Variants in CNTLN observed in about 807,000 individuals in gnomAD.
The protein encoded by CNTLN is centlein.
A neutral mutation model predicts 180.0 loss-of-function variants in CNTLN; 212 were observed. The ratio of observed to expected loss-of-function variants is 1.18; its 90% CI spans 1.05 to 1.32. The LOEUF is 1.32. Ranked by LOEUF, CNTLN falls within the 40% of genes most tolerant of loss-of-function variation. The pLI, the probability that CNTLN is intolerant of heterozygous loss-of-function variation, is 0.00. For synonymous variants in CNTLN, 722 were observed against 563.1 expected (o/e 1.28, Z -3.99); for missense variants, 2,095 against 1,610.9 (o/e 1.30, Z -5.14).
At chr9:17,227,754 C>T (rs1184814442) in intron 3 of CNTLN, among the ~76,000 whole-genome samples, 1 of 151,918 alleles carries the variant, frequency 6.6e-6, no homozygotes, top group Non-Finnish European at 1.5e-5. Context: ...TACACGTTTT[C>T]CAAAGTTGAG....
In CNTLN at chr9:17,388,244, A is replaced by T; in HGVS notation, c.2070A>T (p.Thr690=). ...EKNGKEMLEQ[T]LQKVTELENR... is the part of the protein sequence containing the mutation. ...ATGGAAAAGAAATGTTGGAGCAGAC[A>T]TTACAGAAGGTAGTCTAATCTTTAA... The change falls in exon 14 of 26, where the codon ACA becomes ACT. Residue 690 remains threonine (T), a synonymous_variant. Coordinates refer to ENST00000380647, the MANE Select transcript of CNTLN (RefSeq NM_017738.4). 1.9e-6 allele frequency: 3 copies of T among 1,607,332 alleles called. No individual in the cohort carries two copies. The highest frequency in any genetic ancestry group is 2.6e-6 in the Non-Finnish European group (3 of 1,174,272).
At chr9:17,146,412 G>A (rs1359038904) in intron 2 of CNTLN, among the ~76,000 whole-genome samples, 1 of 152,034 alleles carries the variant, frequency 6.6e-6, no homozygotes, top group Non-Finnish European at 1.5e-5. Flanking sequence ...GAATGTTGGT[G>A]TCCCCCCAAA....
intron 18 of CNTLN, among the ~76,000 whole-genome samples, chr9:17,448,907 G>T (rs1422718428): frequency 6.6e-6 from 1 of 152,168 alleles, no homozygotes; most frequent in Admixed American, 6.5e-5. Flanking sequence ...TTAAGCAGGA[G>T]AAGGAGAGTG....
intron 23 of CNTLN, among the ~76,000 whole-genome samples, chr9:17,482,735 A>T (rs772239285): frequency 6.6e-6 from 1 of 152,208 alleles, no homozygotes; most frequent in African/African-American, 2.4e-5. Flanking sequence ...ATACTCAAAT[A>T]TAAAACTTAA....
intron 2 of CNTLN, among the ~76,000 whole-genome samples, chr9:17,189,891 C>G (rs115699726): frequency 0.019 from 2,914 of 152,102 alleles, 60 homozygotes; most frequent in African/African-American, 0.051. Context: ...TAAGTCCTCT[C>G]TTACCTTTAG....
chr9:17,440,873 A>T (rs1830067844), intron 18 of CNTLN, among the ~76,000 whole-genome samples: 1 of 152,204 alleles, frequency 6.6e-6, no homozygotes, highest in Non-Finnish European at 1.5e-5. Context: ...ACTTATATAA[A>T]ATGTCCAGAA....
At chr9:17,156,989 A>G (rs968614964) in intron 2 of CNTLN, among the ~76,000 whole-genome samples, 13 of 152,236 alleles carry the variant, frequency 8.5e-5, no homozygotes, top group Non-Finnish European at 1.5e-4. Flanking sequence ...CACACTATGT[A>G]GAAAGATACT....
intron 16 of CNTLN, among the ~76,000 whole-genome samples, chr9:17,414,988 A>G (rs1828117289): frequency 6.6e-6 from 1 of 151,992 alleles, no homozygotes; most frequent in Non-Finnish European, 1.5e-5. Flanking sequence ...TGGGAGGCTG[A>G]GGCATGAGAA....
At chr9:17,312,364 T>TATATATAATATATATATATATATA (rs369729227) in intron 8 of CNTLN, among the ~76,000 whole-genome samples, 11 of 20,178 alleles carry the variant, frequency 5.5e-4, no homozygotes, top group African/African-American at 1.3e-3. Context: ...TATATATATA[T>TATATATAATATATATATATATATA]TATATATATA....
intron 7 of CNTLN, among the ~76,000 whole-genome samples, chr9:17,306,338 A>G (rs965459382): frequency 1.3e-5 from 2 of 152,012 alleles, no homozygotes; most frequent in Non-Finnish European, 2.9e-5. Context: ...TAGTAGAGAC[A>G]GGGTTTCTCC....
chr9:17,266,621 T>C (rs1827472099), intron 5 of CNTLN, among the ~76,000 whole-genome samples: 1 of 152,172 alleles, frequency 6.6e-6, no homozygotes, highest in Non-Finnish European at 1.5e-5. Context: ...TTGATCTGTT[T>C]AGTGTTGACG....
intron 2 of CNTLN, among the ~76,000 whole-genome samples, chr9:17,194,697 A>G (rs1402340054): frequency 6.6e-6 from 1 of 152,174 alleles, no homozygotes; most frequent in African/African-American, 2.4e-5. Flanking sequence ...ACCCAGTTCA[A>G]AGTCACTTCC....
chr9:17,375,407 T>G (rs1431546287), intron 13 of CNTLN, among the ~76,000 whole-genome samples: 1 of 152,198 alleles, frequency 6.6e-6, no homozygotes, highest in Non-Finnish European at 1.5e-5. Context: ...TGGTTTGTAA[T>G]GTAAAAGTTA....
chr9:17,386,754 T>C (rs1825716384), intron 13 of CNTLN, among the ~76,000 whole-genome samples: 1 of 152,222 alleles, frequency 6.6e-6, no homozygotes, highest in African/African-American at 2.4e-5. Flanking sequence ...TCTTCACCAT[T>C]TACTTTATTG....
At chr9:17,245,937 T>A (rs1825774245) in intron 5 of CNTLN, among the ~76,000 whole-genome samples, 1 of 152,146 alleles carries the variant, frequency 6.6e-6, no homozygotes, top group South Asian at 2.1e-4. Context: ...GATTCTTAAT[T>A]CCTTATCTGT....
chr9:17,442,410 T>C (rs1345870742), intron 18 of CNTLN, among the ~76,000 whole-genome samples: 4 of 152,190 alleles, frequency 2.6e-5, no homozygotes, highest in Non-Finnish European at 4.4e-5. Context: ...AAACTTTCTC[T>C]GTTTTTGAGA....
At chr9:17,446,412 G>T (rs537172423) in intron 18 of CNTLN, among the ~76,000 whole-genome samples, 2 of 152,016 alleles carry the variant, frequency 1.3e-5, no homozygotes, top group Non-Finnish European at 2.9e-5. Flanking sequence ...TATGTCTTTC[G>T]CTAGCTTGAA....
At chr9:17,386,870 A>G (rs953649925) in intron 13 of CNTLN, among the ~76,000 whole-genome samples, 5 of 152,246 alleles carry the variant, frequency 3.3e-5, no homozygotes, top group African/African-American at 1.2e-4. Flanking sequence ...AAATGACTAG[A>G]AAGGATGAAT....
chr9:17,429,508 A>T (rs1216439694), intron 18 of CNTLN, among the ~76,000 whole-genome samples: 1 of 152,104 alleles, frequency 6.6e-6, no homozygotes, highest in South Asian at 2.1e-4. Context: ...TTCATATCAA[A>T]TTAAATTTAA....
Sources: allele counts gnomAD v4.1 joint callset (sites outside exome capture counted in the v4.1 genomes callset), GRCh38; gene constraint gnomAD v4.1.1; transcripts MANE v1.5; gene names NCBI Gene and HGNC (gene_info 2026-07-23, HGNC 2026-07-21).